PCBP3: variants seen among roughly 807,000 people sequenced by gnomAD.
The protein encoded by PCBP3 is poly(rC)-binding protein 3.
A neutral mutation model predicts 52.7 loss-of-function variants in PCBP3; 25 were observed. That is an observed-to-expected ratio of 0.47 (90% CI 0.35 to 0.66). The LOEUF is 0.66. Among genes scored for constraint, PCBP3 ranks in the 30% least tolerant of loss-of-function variants. PCBP3 has a pLI of 0.01. For synonymous variants in PCBP3, 162 were observed against 183.0 expected, an observed-to-expected ratio of 0.89 and a Z score of 0.93; for missense variants, 391 against 490.3, an observed-to-expected ratio of 0.80 and a Z score of 1.91.
At chr21:45,857,160 C>A (rs1490248387) in intron 5 of PCBP3, among the ~76,000 whole-genome samples, 1 of 152,204 alleles carries the variant, frequency 6.6e-6, no homozygotes, top group Non-Finnish European at 1.5e-5. Flanking sequence ...AATAGAGATT[C>A]TTTACAGATG....
intron 3 of PCBP3, among the ~76,000 whole-genome samples, chr21:45,743,938 C>T (rs758300896): frequency 2.6e-5 from 4 of 151,876 alleles, no homozygotes; most frequent in East Asian, 1.9e-4. Flanking sequence ...TAATAGAATT[C>T]GTCTATCAAA....
In PCBP3 at chr21:45,741,361, G is replaced by C. The variant is rs1479517739; in HGVS notation, c.-162+5932G>C. Among the ~76,000 whole-genome samples the C allele has an allele frequency of 6.6e-6, 1 of 152,198 alleles. No individual in the cohort carries two copies. Among genetic ancestry groups the C allele is most frequent in the African/African-American group, 2.4e-5 (1 of 41,432 alleles). On this transcript the variant is annotated intron_variant, in intron 3 of 17. Transcript: ENST00000681687. This position sits in a 1 kb window ranked among gnomAD's most constrained non-coding sequence, Gnocchi z 4.5. ...GAAGGGAGCTGCAGCATCAGGTGTG[G>C]GTACCAGGTGCACAGCCAGCGAGGG...
At position 45,790,465 on chromosome 21, in the gene PCBP3, G is replaced by T. The variant is rs959521854; in HGVS notation, c.-126+35013G>T. On this transcript the variant is annotated intron_variant, in intron 4 of 17. Coordinates refer to ENST00000681687, the MANE Select transcript of PCBP3 (RefSeq NM_001384156.1). ...CACAGTTGGATAGAGAGACCCAGGAGAGGTGGACTTGTGCCTGTGGACTTG... is the reference window on the plus strand; with the variant it reads ...CACAGTTGGATAGAGAGACCCAGGATAGGTGGACTTGTGCCTGTGGACTTG... 2.6e-5 allele frequency among the ~76,000 whole-genome samples: 4 copies of T among 152,344 alleles called. 1 individual carries two copies.
chr21:45,911,446 G>C, intron 11 of PCBP3: 1 of 279,122 alleles, frequency 3.6e-6, no homozygotes, highest in Non-Finnish European at 7.1e-6. Flanking sequence ...TGCGCATGCA[G>C]TTCTGCAGAA....
At chr21:45,900,885 G>C (rs1297472483) in intron 8 of PCBP3, 112 bp from the exon 9 acceptor site, 2 of 777,458 alleles carry the variant, frequency 2.6e-6, no homozygotes, top group Non-Finnish European at 4.6e-6. Flanking sequence ...CATGGTTTCC[G>C]TCAGCGGACA....
At chr21:45,676,483 T>A (rs1322060362) in intron 2 of PCBP3, among the ~76,000 whole-genome samples, 1 of 152,222 alleles carries the variant, frequency 6.6e-6, no homozygotes, top group Non-Finnish European at 1.5e-5. Context: ...TTTTAGTACT[T>A]CTCATGATAT....
chr21:45,816,204 C>G (rs1219583110), intron 4 of PCBP3, among the ~76,000 whole-genome samples: 2 of 151,894 alleles, frequency 1.3e-5, no homozygotes, highest in Non-Finnish European at 2.9e-5. Context: ...TTCATAAGTA[C>G]TGTACACTTG....
intron 2 of PCBP3, among the ~76,000 whole-genome samples, chr21:45,674,229 G>C (rs891086063): frequency 6.6e-6 from 1 of 152,160 alleles, no homozygotes; most frequent in Non-Finnish European, 1.5e-5. Flanking sequence ...AGTTGATGTT[G>C]TTATTCTTTA....
At chr21:45,911,978 G>T (rs1211416872) in intron 11 of PCBP3, among the ~76,000 whole-genome samples, 2 of 152,248 alleles carry the variant, frequency 1.3e-5, no homozygotes, top group Non-Finnish European at 2.9e-5. Context: ...GGCCCTGGAG[G>T]CCCTGCGGGC....
At chr21:45,895,322 C>T (rs918500475) in intron 5 of PCBP3, among the ~76,000 whole-genome samples, 2 of 152,164 alleles carry the variant, frequency 1.3e-5, no homozygotes, top group Non-Finnish European at 2.9e-5. Flanking sequence ...CCAGGCAGCT[C>T]GATTATGGTG....
chr21:45,711,492 A>G (rs1370536093), intron 2 of PCBP3, among the ~76,000 whole-genome samples: 3 of 152,296 alleles, frequency 2.0e-5, no homozygotes, highest in East Asian at 1.9e-4. Flanking sequence ...ACCATCCACT[A>G]TTGATTTACT....
chr21:45,729,529 C>T (rs2085302374), intron 2 of PCBP3, among the ~76,000 whole-genome samples: 1 of 152,110 alleles, frequency 6.6e-6, no homozygotes, highest in South Asian at 2.1e-4. Context: ...TATGAGGTTG[C>T]CTGTTTCTCC....
intron 2 of PCBP3, among the ~76,000 whole-genome samples, chr21:45,692,508 C>T (rs1423541706): frequency 6.6e-6 from 1 of 152,078 alleles, no homozygotes; most frequent in East Asian, 1.9e-4. Context: ...ACAACTTTAG[C>T]CAGCGTATTA....
chr21:45,846,384 T>C lies in PCBP3; in HGVS notation c.-125-3577T>C, dbSNP rs955364656. Among the ~76,000 whole-genome samples the C allele has an allele frequency of 2.0e-5, 3 of 152,312 alleles. No homozygotes were observed. The East Asian group carries it at 5.8e-4, about 29-fold the overall frequency. ...TGTGCCATTTCTATTTCATGTAACT[T>C]ACTGAGGTTTTCTTTGTGCCCTAAT... On this transcript the variant is annotated intron_variant, in intron 4 of 17. Coordinates refer to ENST00000681687, the MANE Select transcript of PCBP3 (RefSeq NM_001384156.1).
intron 2 of PCBP3, among the ~76,000 whole-genome samples, chr21:45,727,504 A>T (rs1447197655): frequency 2.6e-5 from 4 of 152,244 alleles, no homozygotes; most frequent in Non-Finnish European, 4.4e-5. Flanking sequence ...CGGGTAGGTC[A>T]AGAGGCAGAG....
At chr21:45,789,914 C>T (rs985681720) in intron 4 of PCBP3, among the ~76,000 whole-genome samples, 4 of 152,028 alleles carry the variant, frequency 2.6e-5, no homozygotes, top group Non-Finnish European at 4.4e-5. Context: ...CCGAGACGGG[C>T]GGATCACGAG....
intron 4 of PCBP3, among the ~76,000 whole-genome samples, chr21:45,779,399 C>T (rs2090478944): frequency 6.6e-6 from 1 of 152,200 alleles, no homozygotes; most frequent in Non-Finnish European, 1.5e-5. Context: ...TCACTCTTGG[C>T]TCCTGACCAA....
intron 12 of PCBP3, chr21:45,916,626 A>T (rs903697150): frequency 2.0e-5 from 3 of 152,176 alleles, no homozygotes; most frequent in African/African-American, 7.2e-5. Flanking sequence ...GGGTCCCCCC[A>T]CCCCCACGTG....
chr21:45,787,358 C>T (rs2091233256), intron 4 of PCBP3, among the ~76,000 whole-genome samples: 1 of 152,078 alleles, frequency 6.6e-6, no homozygotes, highest in African/African-American at 2.4e-5. Context: ...GATCCTTCCA[C>T]CCCAGCCTCC....
Sources: gnomAD v4.1 joint callset for allele counts (sites outside exome capture counted in the v4.1 genomes callset) on GRCh38, gnomAD v4.1.1 for gene constraint, Gnocchi (gnomAD v3.1) non-coding constraint, MANE v1.5 for transcripts, NCBI Gene and HGNC (gene_info 2026-07-23, HGNC 2026-07-21) for gene names.